Variants in NBAS observed in about 807,000 individuals in gnomAD.
The protein encoded by NBAS is NBAS subunit of NRZ tethering complex, also known as NAG/BC035112 fusion.
Under a neutral mutation model 302.5 loss-of-function variants are expected in NBAS, and 219 were observed. The ratio of observed to expected loss-of-function variants is 0.72; its 90% CI spans 0.65 to 0.81. NBAS has a LOEUF of 0.81. Ranked by LOEUF, NBAS falls within the 30% of genes least tolerant of loss-of-function variation. The probability of loss-of-function intolerance (pLI) is 0.00; values close to 1 mark genes in which losing one functional copy is unlikely to be tolerated. For synonymous variants in NBAS, 1,118 were observed against 1,021.6 expected (o/e 1.09, Z -1.80); for missense variants, 2,932 against 2,841.6 (o/e 1.03, Z -0.72).
At chr2:14,810,904 T>G in the NBAS span, among the ~76,000 whole-genome samples, 9 of 152,166 alleles carry the variant, frequency 5.9e-5, no homozygotes, top group Admixed American at 3.9e-4. Context: ...ATGAAACACT[T>G]CTTGAGATTT....
At chr2:15,442,182 A>C (rs1441693823) in intron 21 of NBAS, among the ~76,000 whole-genome samples, 12 of 125,032 alleles carry the variant, frequency 9.6e-5, no homozygotes, top group Admixed American at 8.6e-4. Context: ...AGAACTCTCC[A>C]CCCCAAATCA....
At chr2:15,374,868 C>A (rs771707896) in intron 30 of NBAS, 148 bp from the exon 31 acceptor site, 7 of 678,420 alleles carry the variant, frequency 1.0e-5, no homozygotes, top group Admixed American at 2.3e-5. Flanking sequence ...TCTTAATCCT[C>A]ATAGCAAGCC....
the NBAS span, among the ~76,000 whole-genome samples, chr2:14,997,697 C>T: frequency 4.1e-4 from 62 of 152,214 alleles, no homozygotes; most frequent in African/African-American, 1.3e-3. Flanking sequence ...GTCATCACCA[C>T]GCTGTGTATT....
the NBAS span, among the ~76,000 whole-genome samples, chr2:15,009,430 C>G: frequency 1.3e-5 from 2 of 151,654 alleles, no homozygotes; most frequent in Non-Finnish European, 2.9e-5. Flanking sequence ...TTCAAAGATT[C>G]TTAAACTTGA....
chr2:15,346,286 C>T (rs1040654655), intron 35 of NBAS, among the ~76,000 whole-genome samples: 2 of 151,876 alleles, frequency 1.3e-5, no homozygotes, highest in Non-Finnish European at 2.9e-5. Context: ...CCAGAATTTA[C>T]AAGAAACTTA....
the NBAS span, among the ~76,000 whole-genome samples, chr2:15,105,807 T>C: frequency 6.6e-6 from 1 of 152,134 alleles, no homozygotes; most frequent in South Asian, 2.1e-4. Context: ...TTATCAAACA[T>C]GTCCAGATCG....
chr2:14,877,307 C>G, the NBAS span, among the ~76,000 whole-genome samples: 1 of 152,168 alleles, frequency 6.6e-6, no homozygotes, highest in Non-Finnish European at 1.5e-5. Flanking sequence ...TCAATTAACT[C>G]TCTTTACATT....
intron 44 of NBAS, among the ~76,000 whole-genome samples, chr2:15,251,337 T>C (rs775799480): frequency 5.3e-5 from 8 of 151,994 alleles, no homozygotes; most frequent in Non-Finnish European, 1.0e-4. Context: ...GGGATAGCAT[T>C]AGGGGAAATA....
rs758904926 is a variant in NBAS at position 15,461,301 on chromosome 2, A to C, written c.2239T>G (p.Tyr747Asp). Residue 747 changes from tyrosine (Y) to aspartate (D), a missense_variant, in exon 21 of 52, where the codon TAC (tyrosine) becomes GAC (aspartate). Tyr to Asp is a radical substitution (Grantham distance 160). Coordinates refer to ENST00000281513, the MANE Select transcript of NBAS (RefSeq NM_015909.4). The part of the protein sequence containing the change: ...NVQALEILFT[Y>D]HGSDLLPHRL... Reference sequence around the variant, plus strand: ...TGAGGAAGCAGGTCGGAACCATGGTAAGTAAACAGAATTTCCAGGGCTTGT... The same window carrying C: ...TGAGGAAGCAGGTCGGAACCATGGTCAGTAAACAGAATTTCCAGGGCTTGT... 3.7e-6 allele frequency: 6 copies of C among 1,613,036 alleles called. No individual in the cohort carries two copies. The highest frequency in any genetic ancestry group is 5.1e-6 in the Non-Finnish European group (6 of 1,179,158).
chr2:15,485,787 T>C (rs1015514597), intron 12 of NBAS, among the ~76,000 whole-genome samples: 1 of 151,770 alleles, frequency 6.6e-6, no homozygotes, highest in African/African-American at 2.4e-5. Flanking sequence ...AATGGTTACA[T>C]GAAAGTAGAG....
the NBAS span, among the ~76,000 whole-genome samples, chr2:14,998,913 GA>G: frequency 6.6e-6 from 1 of 152,180 alleles, no homozygotes; most frequent in Non-Finnish European, 1.5e-5. Flanking sequence ...CATCTTCCAA[GA>G]GACTCCCAGC....
chr2:15,332,053 G>A (rs767052879), intron 35 of NBAS, among the ~76,000 whole-genome samples: 6 of 152,168 alleles, frequency 3.9e-5, no homozygotes, highest in Non-Finnish European at 7.4e-5. Context: ...CTTTGAAGAG[G>A]AAGAAAGGGA....
At chr2:15,027,689 G>A in the NBAS span, among the ~76,000 whole-genome samples, 1 of 152,090 alleles carries the variant, frequency 6.6e-6, no homozygotes, top group Non-Finnish European at 1.5e-5. Flanking sequence ...GGGAATAGTA[G>A]GCTTCCTCTG....
intron 28 of NBAS, 138 bp from the exon 29 acceptor site, chr2:15,383,455 G>C: frequency 2.8e-6 from 2 of 716,988 alleles, no homozygotes; most frequent in Non-Finnish European, 5.0e-6. Context: ...TGATCAAAAA[G>C]AATATATCTC....
the NBAS span, among the ~76,000 whole-genome samples, chr2:15,013,534 C>T: frequency 6.6e-6 from 1 of 152,030 alleles, no homozygotes; most frequent in Non-Finnish European, 1.5e-5. Context: ...CCTGTAATCC[C>T]AACACTTTAG....
chr2:14,951,944 A>G, the NBAS span, among the ~76,000 whole-genome samples: 1 of 152,188 alleles, frequency 6.6e-6, no homozygotes. Flanking sequence ...CTAGATGTCC[A>G]TGGAATCCAG....
chr2:15,548,136 A>G (rs1331124226), intron 6 of NBAS, among the ~76,000 whole-genome samples: 1 of 152,242 alleles, frequency 6.6e-6, no homozygotes, highest in Non-Finnish European at 1.5e-5. Flanking sequence ...ACAGGCAAAC[A>G]TACTTTGTTG....
At chr2:15,011,387 A>T in the NBAS span, among the ~76,000 whole-genome samples, 1 of 152,096 alleles carries the variant, frequency 6.6e-6, no homozygotes, top group Admixed American at 6.5e-5. Context: ...GAAGAGCTAA[A>T]AAAAAAAGTA....
chr2:15,061,929 G>A, the NBAS span, among the ~76,000 whole-genome samples: 3 of 152,324 alleles, frequency 2.0e-5, no homozygotes, highest in East Asian at 1.9e-4. Flanking sequence ...GGAGAGCAGG[G>A]AAGAGGAAGA....
Sources: gnomAD v4.1 joint callset for allele counts (sites outside exome capture counted in the v4.1 genomes callset) on GRCh38, gnomAD v4.1.1 for gene constraint, MANE v1.5 for transcripts, NCBI Gene and HGNC (gene_info 2026-07-23, HGNC 2026-07-21) for gene names.